TBCD: variants seen among roughly 807,000 people sequenced by gnomAD.
TBCD encodes tubulin-specific chaperone D.
In TBCD, 105 loss-of-function variants were observed where a neutral mutation model predicts 169.3. The ratio of observed to expected loss-of-function variants is 0.62; its 90% CI spans 0.53 to 0.73. TBCD has a LOEUF of 0.73. Ranked by LOEUF, TBCD falls within the 30% of genes least tolerant of loss-of-function variation. The probability of loss-of-function intolerance (pLI) is 0.00; values close to 1 mark genes in which losing one functional copy is unlikely to be tolerated. For synonymous variants in TBCD, 700 were observed against 643.9 expected (o/e 1.09, Z -1.32); for missense variants, 1,444 against 1,600.1 (o/e 0.90, Z 1.66).
At position 82,889,795 on chromosome 17, in the gene TBCD, A is replaced by G; in HGVS notation, c.1563+98A>G. 7.0e-7 allele frequency: 1 copy of G among 1,425,932 alleles called. No individual in the cohort carries two copies. Among genetic ancestry groups the G allele is most frequent in the Non-Finnish European group, 9.7e-7 (1 of 1,029,324 alleles). 88.3% of individuals were successfully genotyped at this position (1,425,932 alleles called of 1,614,324 possible). A position where few individuals can be genotyped will look rare whatever the true frequency, so the allele number is the denominator to read the frequency against. Reference sequence around the variant, plus strand: ...AACCCTGGTGTCTTCTCGCACTGTGAGATGTGGTGTGGCTACATCAATGCC... The same window carrying G: ...AACCCTGGTGTCTTCTCGCACTGTGGGATGTGGTGTGGCTACATCAATGCC... On this transcript the variant is annotated intron_variant, in intron 16 of 38. Transcript: ENST00000355528. The surrounding 1 kb of genome is among the most constrained non-coding windows in gnomAD (Gnocchi z 5.3).
intron 13 of TBCD, among the ~76,000 whole-genome samples, chr17:82,821,115 A>AG (rs1751476323): frequency 1.3e-5 from 2 of 151,530 alleles, no homozygotes; most frequent in Admixed American, 1.3e-4. Context: ...TGCACTGGAA[A>AG]AAAAAATTGT....
rs146488815 is a variant in TBCD, at chr17:82,921,950, C to A, written c.2178+373C>A. ...CTCCTGTGCAGATGAGAAAACAGCA[C>A]CCCAGGACCTCTGCTCGCACACATT... On this transcript the variant is annotated intron_variant, in intron 25 of 38. Transcript: ENST00000355528. 3.7e-3 allele frequency among the ~76,000 whole-genome samples: 557 copies of A among 152,300 alleles called. 1 individual carries two copies. Among genetic ancestry groups the A allele is most frequent in the Middle Eastern group, 6.8e-3 (2 of 294 alleles).
chr17:82,853,060 TTCTC>T (rs977039627), intron 13 of TBCD, among the ~76,000 whole-genome samples: 1 of 152,176 alleles, frequency 6.6e-6, no homozygotes, highest in Non-Finnish European at 1.5e-5. Context: ...CTACTCAGCT[TTCTC>T]TCTCTCTTTT....
intron 17 of TBCD, among the ~76,000 whole-genome samples, chr17:82,896,292 G>A (rs1026864542): frequency 2.6e-5 from 4 of 152,108 alleles, no homozygotes; most frequent in Non-Finnish European, 5.9e-5. Flanking sequence ...GGTGTGGTAC[G>A]TGGCGTCTGT....
At chr17:82,766,996 A>C (rs979562402) in intron 4 of TBCD, among the ~76,000 whole-genome samples, 1 of 152,188 alleles carries the variant, frequency 6.6e-6, no homozygotes, top group Non-Finnish European at 1.5e-5. Context: ...GCACGAAACG[A>C]AATTCCAGAC....
At chr17:82,809,627 TC>T in intron 11 of TBCD, 80 bp from the exon 12 acceptor site, 1 of 1,435,254 alleles carries the variant, frequency 7.0e-7, no homozygotes, top group Non-Finnish European at 9.6e-7. Context: ...GGATGGGTGT[TC>T]AGGCCATTCA....
In TBCD at chr17:82,799,243, G is replaced by C. The variant is rs562460227; in HGVS notation, c.817+1441G>C. ...GTGGATCACGAGGTCAGGAGATCGA[G>C]ACCAGCCTGGCCAACATAGTGAAAC... On this transcript the variant is annotated intron_variant, in intron 8 of 38. Coordinates refer to ENST00000355528, the MANE Select transcript of TBCD (RefSeq NM_005993.5). Among the ~76,000 whole-genome samples, 4 of 152,066 alleles carry C rather than the reference G, an allele frequency of 2.6e-5. No individual in the cohort carries two copies. The East Asian group carries it at 7.8e-4, about 30-fold the overall frequency.
intron 7 of TBCD, among the ~76,000 whole-genome samples, chr17:82,785,534 C>G (rs56400841): frequency 6.3e-4 from 16 of 25,466 alleles, no homozygotes; most frequent in Admixed American, 1.1e-3. Context: ...GCGGGAGGGG[C>G]GTCCATGCTG....
At chr17:82,807,838 C>T (rs571780706) in intron 11 of TBCD, among the ~76,000 whole-genome samples, 170 bp downstream of exon 11, 3 of 152,342 alleles carry the variant, frequency 2.0e-5, no homozygotes, top group Admixed American at 6.5e-5. Context: ...GTTCCCGAGG[C>T]GGAGCTTCGG....
In TBCD at chr17:82,831,096, T is replaced by TG. The variant is rs2053465753; in HGVS notation, c.1318+16163dup. 6.2e-7 allele frequency: 1 copy of TG among 1,614,064 alleles called. No individual in the cohort carries two copies. ...TGCTTTTCTTAACAGGCCTGAAGGC[T>TG]GTGAGGCTTTGCTCTGGCGGGTAGA... is the stretch of plus-strand genomic sequence containing the variant. On this transcript the variant is annotated intron_variant, in intron 13 of 38. Transcript: ENST00000355528. The surrounding 1 kb of genome is among the most constrained non-coding windows in gnomAD (Gnocchi z 4.6).
rs772021880 is a variant in TBCD at position 82,929,109 on chromosome 17, G to T, written c.2694-4G>T. The T allele has an allele frequency of 5.6e-6, 9 of 1,607,294 alleles. No homozygotes were observed. Among genetic ancestry groups the T allele is most frequent in the Non-Finnish European group, 6.8e-6 (8 of 1,178,340 alleles). On this transcript the variant is annotated splice_region_variant and splice_polypyrimidine_tract_variant and intron_variant, in intron 30 of 38. Coordinates refer to ENST00000355528, the MANE Select transcript of TBCD (RefSeq NM_005993.5). ...TTGGTTTACCTCCTGCTCTCGGTTT[G>T]CAGCTGTGAGCGCATCATGTGCTGT...
At chr17:82,921,011 GC>G (rs1568045882) in intron 24 of TBCD, 1 of 274,018 alleles carries the variant, frequency 3.6e-6, no homozygotes, top group Non-Finnish European at 6.9e-6. Context: ...TTCCTCAGCA[GC>G]CCCCCACACT....
In TBCD at chr17:82,924,354, T is replaced by C. The variant is rs138936864; in HGVS notation, c.2261-585T>C. ...TTTTCCTTCTTTATGAAAGTAGCATTAGGCTGGCTTTACGCCGTGTCCCGT... is the reference window on the plus strand; with the variant it reads ...TTTTCCTTCTTTATGAAAGTAGCATCAGGCTGGCTTTACGCCGTGTCCCGT... On this transcript the variant is annotated intron_variant, in intron 26 of 38. Transcript: ENST00000355528. Among the ~76,000 whole-genome samples, 460 of 152,362 alleles carry C rather than the reference T, an allele frequency of 3.0e-3. 3 individuals carry two copies. The South Asian group carries it at 0.031, about 10-fold the overall frequency.
chr17:82,825,512 T>C (rs1424064564), intron 13 of TBCD, among the ~76,000 whole-genome samples: 1 of 152,214 alleles, frequency 6.6e-6, no homozygotes, highest in Non-Finnish European at 1.5e-5. Flanking sequence ...GTTCTGCGTC[T>C]GACCGTGTGC....
chr17:82,842,272 C>G (rs867968904), intron 13 of TBCD, among the ~76,000 whole-genome samples: 9 of 151,640 alleles, frequency 5.9e-5, no homozygotes, highest in African/African-American at 2.2e-4. Context: ...GTCTCTGTCC[C>G]TGGTCCTCCT....
chr17:82,907,659 TG>T, intron 20 of TBCD, 101 bp from the exon 21 acceptor site: 1 of 1,279,226 alleles, frequency 7.8e-7, no homozygotes, highest in Non-Finnish European at 1.1e-6. Flanking sequence ...CGAGTGTACT[TG>T]GGGTTAGGGT....
At chr17:82,932,585 A>G (rs1003207110) in intron 33 of TBCD, 73 bp from the exon 34 acceptor site, 31 of 1,235,992 alleles carry the variant, frequency 2.5e-5, no homozygotes, top group Admixed American at 3.7e-5. Context: ...GATCCTGCTG[A>G]CTCTCAGCCA....
rs1393368601 is a variant in TBCD at position 82,832,444 on chromosome 17, A to C, written c.1318+17510A>C. 6 of 1,611,404 alleles carry C rather than the reference A, an allele frequency of 3.7e-6. No homozygotes were observed. The highest frequency in any genetic ancestry group is 4.2e-6 in the Non-Finnish European group (5 of 1,179,986). On this transcript the variant is annotated intron_variant, in intron 13 of 38. Coordinates refer to ENST00000355528, the MANE Select transcript of TBCD (RefSeq NM_005993.5). This position sits in a 1 kb window ranked among gnomAD's most constrained non-coding sequence, Gnocchi z 4.9. ...TGGCTTTTTTGGCTTCCGCTCTTTG[A>C]GGAGACTCATTTTCCTCCTTATGCC... is the stretch of plus-strand genomic sequence containing the variant.
Position 82,781,698 on chromosome 17 carries a change from A to G in TBCD, c.748A>G (p.Met250Val), listed in dbSNP as rs1218920095. ...CCAGACCATGCAGGGGGTCATCACC[A>G]TGGATGGGACGCTGCAGGCCCTGGT... Reference protein sequence around the residue: ...SFQTMQGVITMDGTLQALAQI... With the variant: ...SFQTMQGVITVDGTLQALAQI... Residue 250 changes from methionine to valine, a missense_variant, in exon 7 of 39, where the codon ATG becomes GTG. Physicochemically the swap from Met to Val is conservative, Grantham distance 21. Transcript: ENST00000355528. 1.9e-6 allele frequency: 3 copies of G among 1,613,732 alleles called. No homozygotes were observed. Among genetic ancestry groups the G allele is most frequent in the Admixed American group, 3.3e-5 (2 of 60,010 alleles).
Sources: gnomAD v4.1 joint callset for allele counts (sites outside exome capture counted in the v4.1 genomes callset) on GRCh38, gnomAD v4.1.1 for gene constraint, Gnocchi (gnomAD v3.1) non-coding constraint, MANE v1.5 for transcripts, NCBI Gene and HGNC (gene_info 2026-07-23, HGNC 2026-07-21) for gene names.